Variants in SND1 observed in about 807,000 individuals in gnomAD.
The protein encoded by SND1 is staphylococcal nuclease domain-containing protein 1.
Under a neutral mutation model 121.7 loss-of-function variants are expected in SND1, and 38 were observed. The ratio of observed to expected loss-of-function variants is 0.31; its 90% CI spans 0.24 to 0.41. The LOEUF (loss-of-function observed/expected upper bound fraction) is 0.41. Ranked by LOEUF, SND1 falls within the 10% of genes least tolerant of loss-of-function variation. The pLI, the probability that SND1 is intolerant of heterozygous loss-of-function variation, is 1.00. For synonymous variants in SND1, 401 were observed against 447.4 expected, an observed-to-expected ratio of 0.90 and a Z score of 1.31; for missense variants, 868 against 1,184.6, an observed-to-expected ratio of 0.73 and a Z score of 3.92.
At chr7:127,799,113 G>A (rs551091668) in intron 10 of SND1, among the ~76,000 whole-genome samples, 9 of 152,238 alleles carry the variant, frequency 5.9e-5, no homozygotes, top group South Asian at 2.1e-4. Flanking sequence ...ATCTGGTGTG[G>A]GCTTGGTAGT....
At chr7:128,030,547 A>G in intron 16 of SND1, 1 of 1,613,340 alleles carries the variant, frequency 6.2e-7, no homozygotes, top group Non-Finnish European at 8.5e-7. Context: ...ATGGCTGCAC[A>G]CAGAATCCAC....
At chr7:128,014,818 C>G (rs571908114) in intron 16 of SND1, among the ~76,000 whole-genome samples, 15 of 152,184 alleles carry the variant, frequency 9.9e-5, no homozygotes, top group African/African-American at 3.1e-4. Context: ...TTTTTAAATT[C>G]TAGCTCAAAG....
chr7:127,703,437 G>A, intron 7 of SND1, 114 bp downstream of exon 7: 1 of 1,273,500 alleles, frequency 7.9e-7, no homozygotes. Context: ...ATATTGGCCA[G>A]TTGTGGTGGC....
intron 10 of SND1, among the ~76,000 whole-genome samples, chr7:127,774,987 A>G (rs1797588673): frequency 6.6e-6 from 1 of 152,230 alleles, no homozygotes; most frequent in African/African-American, 2.4e-5. Context: ...GAGTCTTTGC[A>G]GTTGTAATCA....
chr7:128,008,330 G>A (rs1185178529), intron 16 of SND1, among the ~76,000 whole-genome samples: 2 of 152,120 alleles, frequency 1.3e-5, no homozygotes, highest in Non-Finnish European at 2.9e-5. Flanking sequence ...TGACAGACCT[G>A]GAATTTTCCA....
intron 10 of SND1, among the ~76,000 whole-genome samples, chr7:127,736,623 A>G (rs1188539523): frequency 2.0e-5 from 3 of 152,226 alleles, no homozygotes; most frequent in African/African-American, 7.2e-5. Context: ...TGTACCACAG[A>G]TACATGTTCC....
chr7:127,762,427 C>T lies in SND1; in HGVS notation c.1152+41027C>T, dbSNP rs149148474. On this transcript the variant is annotated intron_variant, in intron 10 of 23. Coordinates refer to ENST00000354725, the MANE Select transcript of SND1 (RefSeq NM_014390.4). ...TCATGTCCTCTCTGCACATGTACCCCCTACGTCTCTCTGTCCTAATCTCCC... is the reference window on the plus strand; with the variant it reads ...TCATGTCCTCTCTGCACATGTACCCTCTACGTCTCTCTGTCCTAATCTCCC... Among the ~76,000 whole-genome samples the T allele has an allele frequency of 2.8e-3, 428 of 152,310 alleles. 4 individuals carry two copies. The highest frequency in any genetic ancestry group is 9.6e-3 in the African/African-American group (401 of 41,572).
At chr7:127,671,919 T>C (rs1795524172) in intron 1 of SND1, among the ~76,000 whole-genome samples, 1 of 152,164 alleles carries the variant, frequency 6.6e-6, no homozygotes, top group Admixed American at 6.5e-5. Context: ...ATGTAAAAAA[T>C]GTGGCATTAA....
intron 14 of SND1, among the ~76,000 whole-genome samples, chr7:127,915,706 G>C (rs1279658304): frequency 6.6e-6 from 1 of 152,176 alleles, no homozygotes; most frequent in Non-Finnish European, 1.5e-5. Context: ...CTTATTCTAA[G>C]TGGTCTGATA....
At chr7:127,796,946 G>A (rs1237213742) in intron 10 of SND1, among the ~76,000 whole-genome samples, 2 of 138,304 alleles carry the variant, frequency 1.4e-5, no homozygotes, top group African/African-American at 2.7e-5. Flanking sequence ...AGGCTGGAGT[G>A]CAGTGGCATG....
intron 8 of SND1, among the ~76,000 whole-genome samples, chr7:127,706,944 C>G (rs550431457): frequency 7.9e-5 from 12 of 152,302 alleles, no homozygotes; most frequent in South Asian, 2.1e-4. Flanking sequence ...TTTAAGACAG[C>G]TGTTCATTGA....
chr7:127,695,096 G>C, intron 3 of SND1, 148 bp downstream of exon 3: 1 of 863,186 alleles, frequency 1.2e-6, no homozygotes, highest in Non-Finnish European at 1.8e-6. Context: ...TTTGGGCCCT[G>C]AGCACAGGGA....
rs955610319 is a variant in SND1, at chr7:127,699,024, C to T, written c.428+71C>T. ...CTTTGCTGCATTTTTCATTCTTGCC[C>T]CCAGACATGGGTAACTGCAGGGGCT... On this transcript the variant is annotated intron_variant, in intron 4 of 23. Transcript: ENST00000354725. 15 of 1,257,032 alleles carry T rather than the reference C, an allele frequency of 1.2e-5. 1 individual carries two copies. The highest frequency in any genetic ancestry group is 5.0e-5 in the South Asian group (4 of 80,710). 77.9% of individuals were successfully genotyped at this position (1,257,032 alleles called of 1,614,324 possible).
chr7:127,803,368 C>T (rs1222974321), intron 10 of SND1, among the ~76,000 whole-genome samples: 2 of 152,098 alleles, frequency 1.3e-5, no homozygotes, highest in Admixed American at 1.3e-4. Flanking sequence ...CTTTCTTTGA[C>T]TTTTCACTTC....
intron 1 of SND1, among the ~76,000 whole-genome samples, chr7:127,665,001 G>C (rs1795387929): frequency 1.3e-5 from 2 of 152,160 alleles, no homozygotes; most frequent in South Asian, 2.1e-4. Flanking sequence ...TTGTTTTTTA[G>C]AGTTGTTTGG....
chr7:127,896,934 C>G (rs1800130239), intron 13 of SND1, among the ~76,000 whole-genome samples: 1 of 152,134 alleles, frequency 6.6e-6, no homozygotes, highest in Non-Finnish European at 1.5e-5. Context: ...ATATCCCTAT[C>G]ATGCTTCTGC....
At chr7:127,749,933 C>T (rs889633552) in intron 10 of SND1, among the ~76,000 whole-genome samples, 5 of 152,082 alleles carry the variant, frequency 3.3e-5, no homozygotes, top group Admixed American at 1.3e-4. Context: ...ATAGTGAGAC[C>T]GCATTTCCAC....
intron 1 of SND1, among the ~76,000 whole-genome samples, chr7:127,653,737 C>G (rs1795163940): frequency 1.3e-5 from 2 of 152,158 alleles, no homozygotes; most frequent in South Asian, 4.1e-4. Flanking sequence ...ATCCCCTCGC[C>G]CAATTCCCAT....
chr7:127,704,030 G>A (rs775166225), intron 7 of SND1, among the ~76,000 whole-genome samples: 2 of 152,208 alleles, frequency 1.3e-5, no homozygotes, highest in African/African-American at 4.8e-5. Context: ...TTGTATTCCA[G>A]GCTTTATCCA....
Sources: gnomAD v4.1 joint callset for allele counts (sites outside exome capture counted in the v4.1 genomes callset) on GRCh38, gnomAD v4.1.1 for gene constraint, MANE v1.5 for transcripts, NCBI Gene and HGNC (gene_info 2026-07-23, HGNC 2026-07-21) for gene names.